Variants in TAFA1 observed in about 807,000 individuals in gnomAD.
TAFA1 encodes TAFA chemokine like family member 1.
A neutral mutation model predicts 18.5 loss-of-function variants in TAFA1; 4 were observed. The observed-to-expected ratio is 0.22, with a 90% CI of 0.11 to 0.49. The LOEUF (loss-of-function observed/expected upper bound fraction) is 0.49. Ranked by LOEUF, TAFA1 falls within the 20% of genes least tolerant of loss-of-function variation. TAFA1 has a pLI of 0.98. For missense variants in TAFA1, 147 were observed against 169.0 expected (o/e 0.87, Z 0.72); for synonymous variants, 56 against 55.2 (o/e 1.01, Z -0.06).
intron 2 of TAFA1, among the ~76,000 whole-genome samples, chr3:68,305,735 T>C (rs7634896): frequency 0.47 from 70,804 of 151,410 alleles, 17,650 homozygotes; most frequent in Non-Finnish European, 0.54. Context: ...AGAGGATATG[T>C]AATAGGAATA....
chr3:68,289,007 A>G (rs1575749637), intron 2 of TAFA1, among the ~76,000 whole-genome samples: 1 of 152,218 alleles, frequency 6.6e-6, no homozygotes, highest in Non-Finnish European at 1.5e-5. Flanking sequence ...TTGGGTACAT[A>G]CATTTTTGTA....
chr3:68,425,957 G>C (rs1310010453), intron 3 of TAFA1, among the ~76,000 whole-genome samples: 1 of 151,774 alleles, frequency 6.6e-6, no homozygotes, highest in Non-Finnish European at 1.5e-5. Flanking sequence ...GTTCCTGCCT[G>C]GTCCTTAAAG....
intron 2 of TAFA1, among the ~76,000 whole-genome samples, chr3:68,057,276 C>T (rs1011461748): frequency 6.6e-6 from 1 of 152,106 alleles, no homozygotes; most frequent in Non-Finnish European, 1.5e-5. Context: ...GTTATGGGGC[C>T]GAATCTCATC....
intron 2 of TAFA1, among the ~76,000 whole-genome samples, chr3:68,219,405 A>G (rs1575687225): frequency 6.6e-6 from 1 of 152,290 alleles, no homozygotes; most frequent in South Asian, 2.1e-4. Context: ...TTAAAAAGTC[A>G]TGTTTTAGCA....
At chr3:68,001,715 A>C (rs1704285675), upstream of TAFA1, among the ~76,000 whole-genome samples, 1 of 152,156 alleles carries the variant, frequency 6.6e-6, no homozygotes, top group African/African-American at 2.4e-5. Flanking sequence ...GGAACATAAA[A>C]ATTCAATTAA....
intron 2 of TAFA1, among the ~76,000 whole-genome samples, chr3:68,182,487 C>T (rs557813225): frequency 7.9e-5 from 12 of 152,224 alleles, no homozygotes; most frequent in Non-Finnish European, 1.3e-4. Context: ...GTTTAACATC[C>T]AAATATCAGA....
chr3:68,267,140 C>T (rs1575729278), intron 2 of TAFA1, among the ~76,000 whole-genome samples: 1 of 152,150 alleles, frequency 6.6e-6, no homozygotes, highest in African/African-American at 2.4e-5. Context: ...GTAAACTGGT[C>T]TATAGGAACA....
chr3:68,006,034 A>G (rs777174928), intron 1 of TAFA1, among the ~76,000 whole-genome samples: 5 of 152,234 alleles, frequency 3.3e-5, no homozygotes, highest in Non-Finnish European at 7.3e-5. Context: ...TAGGTGTTGC[A>G]TCTGAAACTC....
At chr3:68,030,250 A>G (rs988356143) in intron 2 of TAFA1, among the ~76,000 whole-genome samples, 2 of 152,254 alleles carry the variant, frequency 1.3e-5, no homozygotes, top group Non-Finnish European at 2.9e-5. Flanking sequence ...TCTTTTCACC[A>G]GCACACACTT....
chr3:68,477,083 C>T (rs998979868), intron 3 of TAFA1, among the ~76,000 whole-genome samples: 5 of 152,046 alleles, frequency 3.3e-5, no homozygotes, highest in African/African-American at 1.2e-4. Flanking sequence ...CTGCATTCCC[C>T]CAAGGGTATC....
chr3:68,102,288 G>T (rs373368399), intron 2 of TAFA1, among the ~76,000 whole-genome samples: 1 of 152,000 alleles, frequency 6.6e-6, no homozygotes, highest in East Asian at 1.9e-4. Context: ...TAAAACCTCT[G>T]TCCAATTCTT....
chr3:68,285,330 T>A (rs2067977385), intron 2 of TAFA1, among the ~76,000 whole-genome samples: 1 of 152,100 alleles, frequency 6.6e-6, no homozygotes, highest in Non-Finnish European at 1.5e-5. Flanking sequence ...TTGTAAGTGT[T>A]GTAAATATTG....
At chr3:68,105,892 C>A (rs531719830) in intron 2 of TAFA1, among the ~76,000 whole-genome samples, 1 of 152,216 alleles carries the variant, frequency 6.6e-6, no homozygotes, top group African/African-American at 2.4e-5. Context: ...CCCTTAAAGA[C>A]TTGTGGACAG....
chr3:68,080,157 A>ATCT (rs1201774200), intron 2 of TAFA1, among the ~76,000 whole-genome samples: 5 of 151,458 alleles, frequency 3.3e-5, no homozygotes, highest in Non-Finnish European at 7.4e-5. Context: ...TTTATTTTCC[A>ATCT]TTTGCTTGGT....
chr3:68,321,297 A>G (rs1276198111), intron 2 of TAFA1, among the ~76,000 whole-genome samples: 1 of 152,180 alleles, frequency 6.6e-6, no homozygotes, highest in African/African-American at 2.4e-5. Context: ...AAATGGGGAT[A>G]ATCATAGCCC....
At chr3:68,115,445 G>A (rs149513023) in intron 2 of TAFA1, among the ~76,000 whole-genome samples, 1,540 of 152,184 alleles carry the variant, frequency 0.01, 99 homozygotes, top group Admixed American at 0.086. Context: ...ATCATTTTGG[G>A]GTGCTAAGTG....
intron 2 of TAFA1, among the ~76,000 whole-genome samples, chr3:68,057,395 T>C (rs950945412): frequency 6.6e-6 from 1 of 152,210 alleles, no homozygotes. Flanking sequence ...ATCACATTAA[T>C]CATTTTACTG....
At position 68,495,998 on chromosome 3, in the gene TAFA1, CAAAA is replaced by C. The variant is rs199520960; in HGVS notation, c.260-42732_260-42729del. ...GATAGTGAACCTTCTTTCCCTGAAG[CAAAA>C]AAAAAAAAAAAAAAAAAAAAAAAAA... On this transcript the variant is annotated intron_variant, in intron 3 of 4. Coordinates refer to ENST00000478136, the MANE Select transcript of TAFA1 (RefSeq NM_213609.4). 1.2e-3 allele frequency among the ~76,000 whole-genome samples: 124 copies of C among 107,528 alleles called. 1 individual carries two copies. The highest frequency in any genetic ancestry group is 4.2e-3 in the African/African-American group (106 of 25,496). 70.5% of individuals were successfully genotyped at this position (107,528 alleles called of 152,430 possible). A position where few individuals can be genotyped will look rare whatever the true frequency, so the allele number is the denominator to read the frequency against.
intron 2 of TAFA1, among the ~76,000 whole-genome samples, chr3:68,125,037 C>T (rs982449809): frequency 2.0e-5 from 3 of 152,180 alleles, no homozygotes; most frequent in African/African-American, 2.4e-5. Flanking sequence ...TCGAAATAGA[C>T]ATGAAAAGGA....
Sources: gnomAD v4.1 joint callset for allele counts (sites outside exome capture counted in the v4.1 genomes callset) on GRCh38, gnomAD v4.1.1 for gene constraint, MANE v1.5 for transcripts, NCBI Gene and HGNC (gene_info 2026-07-23, HGNC 2026-07-21) for gene names.